The following SH3KBP1 variants were observed in gnomAD, a reference collection of about 807,000 sequenced individuals.
SH3KBP1 encodes SH3 domain-containing kinase-binding protein 1.
Under a neutral mutation model 50.1 loss-of-function variants are expected in SH3KBP1, and 8 were observed. The ratio of observed to expected loss-of-function variants is 0.16; its 90% CI spans 0.09 to 0.29. The LOEUF is 0.29. Ranked by LOEUF, SH3KBP1 falls within the 10% of genes least tolerant of loss-of-function variation. SH3KBP1 has a pLI of 1.00. For synonymous variants in SH3KBP1, 227 were observed against 218.6 expected (o/e 1.04, Z -0.34); for missense variants, 377 against 535.2 (o/e 0.70, Z 2.92).
intron 12 of SH3KBP1, among the ~76,000 whole-genome samples, chrX:19,574,587 G>A (rs2066140580): frequency 1.8e-5 from 2 of 112,367 alleles, no homozygotes; most frequent in South Asian, 7.3e-4. Flanking sequence ...AGGGAGAGGG[G>A]TTTCTTTTAT....
At chrX:19,738,152 T>C (rs1161940130) in intron 3 of SH3KBP1, among the ~76,000 whole-genome samples, 3 of 111,354 alleles carry the variant, frequency 2.7e-5, no homozygotes, top group Non-Finnish European at 5.7e-5. Flanking sequence ...GATAAGCAGG[T>C]CTCCTTACCA....
intron 8 of SH3KBP1, among the ~76,000 whole-genome samples, chrX:19,630,485 C>T (rs1173929503): frequency 8.9e-6 from 1 of 112,157 alleles, no homozygotes; most frequent in Non-Finnish European, 1.9e-5. Flanking sequence ...TCACTTCTGC[C>T]TCATTTGCAG....
chrX:19,573,088 A>G (rs1250214584), intron 12 of SH3KBP1, among the ~76,000 whole-genome samples: 1 of 111,852 alleles, frequency 8.9e-6, no homozygotes, highest in African/African-American at 3.3e-5. Flanking sequence ...TGCATTATGT[A>G]TTTGTACAAT....
chrX:19,809,235 G>A (rs2067136866), intron 2 of SH3KBP1, among the ~76,000 whole-genome samples: 1 of 111,885 alleles, frequency 8.9e-6, no homozygotes, highest in Non-Finnish European at 1.9e-5. Context: ...ACCATTAAAT[G>A]TCAGTATCAG....
intron 2 of SH3KBP1, 52 bp downstream of exon 2, chrX:19,836,073 G>A: frequency 8.8e-7 from 1 of 1,142,442 alleles, no homozygotes; most frequent in Non-Finnish European, 1.2e-6. Flanking sequence ...CATAGACTTT[G>A]GTCAGCAGAG....
chrX:19,751,730 C>A (rs1229279216), intron 2 of SH3KBP1, among the ~76,000 whole-genome samples: 1 of 111,934 alleles, frequency 8.9e-6, no homozygotes, highest in African/African-American at 3.3e-5. Flanking sequence ...CATTCCCTTC[C>A]CAAAAGCACT....
intron 2 of SH3KBP1, among the ~76,000 whole-genome samples, chrX:19,805,965 A>C (rs2067033794): frequency 9.0e-6 from 1 of 111,406 alleles, no homozygotes; most frequent in African/African-American, 3.3e-5. Flanking sequence ...CCCTCAATGA[A>C]TATATCATTA....
chrX:19,821,731 G>A (rs779886147), intron 2 of SH3KBP1, among the ~76,000 whole-genome samples: 6 of 110,865 alleles, frequency 5.4e-5, no homozygotes, highest in African/African-American at 9.8e-5. Context: ...GGGTTTCACC[G>A]TGTTAGCCAG....
chrX:19,878,484 G>C (rs1454628676), intron 1 of SH3KBP1, among the ~76,000 whole-genome samples: 4 of 79,223 alleles, frequency 5.0e-5, no homozygotes, highest in Non-Finnish European at 8.6e-5. Flanking sequence ...GTGTGTGTGT[G>C]TGTGTGTGTG....
intron 2 of SH3KBP1, among the ~76,000 whole-genome samples, chrX:19,754,521 C>T (rs149986211): frequency 1.8e-5 from 2 of 111,460 alleles, no homozygotes; most frequent in African/African-American, 6.5e-5. Context: ...TTTGGTGGGG[C>T]GTAGGGAGGA....
chrX:19,567,754 T>C lies in SH3KBP1; in HGVS notation c.1384+1349A>G, dbSNP rs12860041. Among the ~76,000 whole-genome samples the C allele has an allele frequency of 6.0e-3, 645 of 106,624 alleles. 3 individuals are homozygous for C. The highest frequency in any genetic ancestry group is 0.01 in the Non-Finnish European group (541 of 52,031). 92.6% of individuals were successfully genotyped at this position (106,624 alleles called of 115,157 possible). ...ATTTCTATTACTTCTTACGACTGCA[T>C]GTGAATCTACAATGACTTCAAAATA... is the stretch of plus-strand genomic sequence containing the variant. On this transcript the variant is annotated intron_variant, in intron 13 of 17. Coordinates refer to ENST00000397821, the MANE Select transcript of SH3KBP1 (RefSeq NM_031892.3).
chrX:19,883,432 G>C (rs1005062495), intron 1 of SH3KBP1, among the ~76,000 whole-genome samples: 1 of 112,197 alleles, frequency 8.9e-6, no homozygotes, highest in Non-Finnish European at 1.9e-5. Context: ...GATGTCCATC[G>C]TGCTTAGCAT....
chrX:19,539,776 C>G (rs1255588694), intron 16 of SH3KBP1, among the ~76,000 whole-genome samples: 2 of 111,478 alleles, frequency 1.8e-5, no homozygotes, highest in Non-Finnish European at 3.8e-5. Context: ...ATACAAGAGA[C>G]TAGTAGGGAC....
chrX:19,705,117 T>C (rs2063623468), intron 4 of SH3KBP1, among the ~76,000 whole-genome samples: 1 of 112,465 alleles, frequency 8.9e-6, no homozygotes, highest in African/African-American at 3.2e-5. Flanking sequence ...AAACCCATTA[T>C]TGTCTTAATT....
chrX:19,563,526 G>A (rs1335626912), intron 13 of SH3KBP1, among the ~76,000 whole-genome samples: 1 of 112,432 alleles, frequency 8.9e-6, no homozygotes, highest in African/African-American at 3.2e-5. Context: ...AATCAGAAGC[G>A]CAACCTGTTT....
chrX:19,799,686 C>A (rs774908377), intron 2 of SH3KBP1: 16 of 1,208,443 alleles, frequency 1.3e-5, no homozygotes, highest in Non-Finnish European at 1.8e-5. Context: ...AACCTCCATT[C>A]TGTGAAGTAT....
intron 9 of SH3KBP1, among the ~76,000 whole-genome samples, chrX:19,595,926 A>G (rs66993027): frequency 0.061 from 6,818 of 111,860 alleles, 467 homozygotes; most frequent in African/African-American, 0.2. Context: ...GTGCAGAGAA[A>G]TATACTTTAT....
intron 3 of SH3KBP1, among the ~76,000 whole-genome samples, chrX:19,707,824 G>A (rs1569432190): frequency 1.0e-5 from 1 of 100,055 alleles, no homozygotes; most frequent in Non-Finnish European, 2.0e-5. Context: ...GTATGGGGGT[G>A]AGGGTGAGAC....
intron 5 of SH3KBP1, among the ~76,000 whole-genome samples, chrX:19,693,032 C>G (rs958449829): frequency 9.0e-6 from 1 of 111,342 alleles, no homozygotes; most frequent in Non-Finnish European, 1.9e-5. Context: ...TACTATTTCT[C>G]TCTTTCAGGG....
Sources: gnomAD v4.1 joint callset for allele counts (sites outside exome capture counted in the v4.1 genomes callset) on GRCh38, gnomAD v4.1.1 for gene constraint, MANE v1.5 for transcripts, NCBI Gene and HGNC (gene_info 2026-07-23, HGNC 2026-07-21) for gene names.